NUP160: variants seen among roughly 807,000 people sequenced by gnomAD.
NUP160 encodes nuclear pore complex protein Nup160.
A neutral mutation model predicts 196.9 loss-of-function variants in NUP160; 94 were observed. That is an observed-to-expected ratio of 0.48 (90% CI 0.40 to 0.57). The LOEUF is 0.57. NUP160 is among the 20% of genes least tolerant of loss of function. The pLI is 0.00. For missense variants in NUP160, 1,638 were observed against 1,748.3 expected (o/e 0.94, Z 1.13); for synonymous variants, 605 against 619.7 (o/e 0.98, Z 0.35).
At chr11:47,840,543 G>A (rs747496992) in exon 3 of NUP160, 4 of 1,613,352 alleles carry the variant, frequency 2.5e-6, no homozygotes, top group Admixed American at 1.7e-5. Flanking sequence ...ACAGATTTAT[G>A]TCCAGTGACT....
At chr11:47,781,898 T>C (rs939033581) in intron 34 of NUP160, among the ~76,000 whole-genome samples, 6 of 152,192 alleles carry the variant, frequency 3.9e-5, no homozygotes, top group African/African-American at 1.4e-4. Context: ...CAATATTTAG[T>C]TGTATAACTA....
At chr11:47,824,144 G>A (rs1851922292) in intron 7 of NUP160, among the ~76,000 whole-genome samples, 1 of 149,646 alleles carries the variant, frequency 6.7e-6, no homozygotes, top group Admixed American at 6.7e-5. Context: ...CATAATGGCT[G>A]CAGCATTTTA....
intron 32 of NUP160, among the ~76,000 whole-genome samples, chr11:47,785,820 T>A (rs1181095831): frequency 6.6e-6 from 1 of 152,198 alleles, no homozygotes; most frequent in Admixed American, 6.5e-5. Flanking sequence ...TGAAAACTAA[T>A]GTCAGAGAAC....
chr11:47,812,472 G>A (rs372247266), intron 15 of NUP160, 43 bp from the exon 16 acceptor site: 16 of 1,577,500 alleles, frequency 1.0e-5, no homozygotes, highest in East Asian at 9.0e-5. Context: ...CCGAGAATAC[G>A]TAAGGCAAGT....
At chr11:47,827,322 C>G (rs1165520431) in intron 7 of NUP160, 1 of 338,562 alleles carries the variant, frequency 3.0e-6, no homozygotes, top group South Asian at 2.2e-5. Flanking sequence ...TGAGATTGCG[C>G]CACTGCACTC....
At chr11:47,804,262 C>A (rs972794801) in intron 21 of NUP160, 4 of 286,972 alleles carry the variant, frequency 1.4e-5, no homozygotes, top group Non-Finnish European at 2.5e-5. Flanking sequence ...AAATCTCTCT[C>A]TTTAAAAATT....
chr11:47,807,961 G>T (rs2097678751), intron 18 of NUP160, among the ~76,000 whole-genome samples: 1 of 152,206 alleles, frequency 6.6e-6, no homozygotes, highest in African/African-American at 2.4e-5. Flanking sequence ...GAATCTTAAT[G>T]GCATATAATT....
In NUP160 at chr11:47,812,150, CT is replaced by C. The variant is rs1290199912; in HGVS notation, c.2154del (p.Val720CysfsTer10). The C allele has an allele frequency of 6.2e-7, 1 of 1,613,980 alleles. No homozygotes were observed. The highest frequency in any genetic ancestry group is 8.5e-7 in the Non-Finnish European group (1 of 1,180,010). On this transcript the variant is annotated frameshift_variant, in exon 17 of 36. Coordinates refer to ENST00000378460, the Ensembl canonical transcript of NUP160. LOFTEE classifies it high-confidence loss of function. Reference sequence around the variant, plus strand: ...CGAGTACTGGCGATTTTATGCACCCCTCTGCACACAATATACCCTGCTGTGT... The same window carrying C: ...CGAGTACTGGCGATTTTATGCACCCCCTGCACACAATATACCCTGCTGTGT...
At chr11:47,844,889 A>G (rs907388418) in intron 2 of NUP160, among the ~76,000 whole-genome samples, 1 of 152,214 alleles carries the variant, frequency 6.6e-6, no homozygotes, top group African/African-American at 2.4e-5. Context: ...AGGTTGCAAT[A>G]AAGGAGCAAG....
chr11:47,840,532 A>G lies in NUP160; in HGVS notation c.371T>C (p.Leu124Ser), dbSNP rs772274168. ...GAATTTTAGGCGAATGGCATTATTC[A>G]ACAGATTTATGTCCAGTGACTCCTC... is the stretch of plus-strand genomic sequence containing the variant. Residue 124 changes from leucine to serine, a missense_variant, in exon 3 of 36, where the codon TTG (leucine) becomes TCG (serine). Around this residue, in one of 3 missense-constraint regions of NUP160, gnomAD observed 287 missense variants for 259.5 expected, o/e 1.11. Coordinates refer to ENST00000378460, the Ensembl canonical transcript of NUP160. The G allele has an allele frequency of 4.3e-6, 7 of 1,613,992 alleles. No individual in the cohort carries two copies. The South Asian group carries it at 7.7e-5, about 18-fold the overall frequency.
chr11:47,802,096 A>G (rs545899754), intron 22 of NUP160, among the ~76,000 whole-genome samples, 166 bp from the exon 23 acceptor site: 4 of 152,320 alleles, frequency 2.6e-5, no homozygotes, highest in African/African-American at 9.6e-5. Context: ...TGATGCATTC[A>G]TATTTTTAAA....
chr11:47,847,938 C>T, exon 2 of NUP160: 1 of 1,614,094 alleles, frequency 6.2e-7, no homozygotes. Context: ...TTTTACGGCG[C>T]CAGCCACGGC....
chr11:47,813,410 G>A, exon 14 of NUP160: 1 of 1,602,424 alleles, frequency 6.2e-7, no homozygotes, highest in South Asian at 1.1e-5. Flanking sequence ...GGAAAGACAG[G>A]TACCCCTGGA....
At chr11:47,804,183 G>GAAA in intron 21 of NUP160, 4 of 147,452 alleles carry the variant, frequency 2.7e-5, no homozygotes, top group East Asian at 1.9e-4. Flanking sequence ...TCCGTTTCAG[G>GAAA]AAAAAAAAAA....
intron 4 of NUP160, among the ~76,000 whole-genome samples, chr11:47,838,092 CAG>C (rs1216493521): frequency 1.3e-5 from 2 of 152,076 alleles, no homozygotes; most frequent in African/African-American, 4.8e-5. Context: ...AAAAGGAGTA[CAG>C]AGAGTGCCAG....
At chr11:47,785,028 T>C (rs1478285174) in exon 33 of NUP160, 1 of 1,580,214 alleles carries the variant, frequency 6.3e-7, no homozygotes, top group Admixed American at 1.8e-5. Flanking sequence ...CCTCTCCAGG[T>C]AAGTGGATAA....
At chr11:47,821,758 T>C (rs773369015) in exon 9 of NUP160, 1 of 1,614,096 alleles carries the variant, frequency 6.2e-7, no homozygotes, top group African/African-American at 1.3e-5. Context: ...ACTGTTTGGT[T>C]CTCAGCATCA....
At chr11:47,837,138 G>A (rs765524831) in intron 5 of NUP160, 137 bp from the exon 6 acceptor site, 13 of 526,668 alleles carry the variant, frequency 2.5e-5, no homozygotes, top group Non-Finnish European at 4.4e-5. Flanking sequence ...GCTGGTATAA[G>A]ACAACTACAT....
chr11:47,782,222 T>C (rs2097661277), intron 34 of NUP160, among the ~76,000 whole-genome samples: 1 of 147,678 alleles, frequency 6.8e-6, no homozygotes. Context: ...AGGCGGAGGC[T>C]GCAGTGAGGG....
Sources: gnomAD v4.1 joint callset for allele counts (sites outside exome capture counted in the v4.1 genomes callset) on GRCh38, gnomAD v4.1.1 for gene constraint, gnomAD v4.1.1 regional missense constraint, MANE v1.5 for transcripts, NCBI Gene and HGNC (gene_info 2026-07-23, HGNC 2026-07-21) for gene names.